PRUNE2: variants seen among roughly 807,000 people sequenced by gnomAD.
PRUNE2 encodes protein prune homolog 2.
PRUNE2 carries 164 observed loss-of-function variants against 252.0 expected under a neutral mutation model. The ratio of observed to expected loss-of-function variants is 0.65; its 90% CI spans 0.57 to 0.74. PRUNE2 has a LOEUF of 0.74. PRUNE2 is among the 30% of genes least tolerant of loss of function. The pLI is 0.00. For missense variants in PRUNE2, 3,495 were observed against 3,711.0 expected, an observed-to-expected ratio of 0.94 and a Z score of 1.51; for synonymous variants, 1,292 against 1,350.2, an observed-to-expected ratio of 0.96 and a Z score of 0.94.
intron 1 of PRUNE2, among the ~76,000 whole-genome samples, chr9:76,891,212 A>C (rs1309762393): frequency 1.3e-5 from 2 of 152,230 alleles, no homozygotes; most frequent in Non-Finnish European, 2.9e-5. Flanking sequence ...CAAATGAAGA[A>C]ACAGCTGAGA....
chr9:76,719,406 T>C (rs2047430076), intron 6 of PRUNE2, among the ~76,000 whole-genome samples: 1 of 152,122 alleles, frequency 6.6e-6, no homozygotes. Context: ...ATCAAAGAAA[T>C]CCTTTAATAA....
intron 1 of PRUNE2, among the ~76,000 whole-genome samples, chr9:76,891,420 C>T (rs2062465582): frequency 6.6e-6 from 1 of 152,230 alleles, no homozygotes; most frequent in Non-Finnish European, 1.5e-5. Context: ...AGAGACCCTG[C>T]CTCTCAGGTG....
chr9:76,639,239 C>T (rs1841494909), intron 12 of PRUNE2, among the ~76,000 whole-genome samples: 1 of 152,176 alleles, frequency 6.6e-6, no homozygotes, highest in African/African-American at 2.4e-5. Flanking sequence ...TGCCTGTAAT[C>T]CCAGCACTTT....
chr9:76,694,210 T>C (rs2045144118), intron 9 of PRUNE2, among the ~76,000 whole-genome samples: 1 of 152,086 alleles, frequency 6.6e-6, no homozygotes, highest in Non-Finnish European at 1.5e-5. Context: ...CCTAGCTCTG[T>C]TGCCCAGGTT....
chr9:76,778,248 CA>C (rs1172210047), intron 6 of PRUNE2: 2 of 152,210 alleles, frequency 1.3e-5, no homozygotes, highest in African/African-American at 4.8e-5. Context: ...TGATCTCATT[CA>C]ACCTTTCCCT....
At chr9:76,857,079 T>C (rs12238848) in intron 1 of PRUNE2, 216,128 of 455,594 alleles carry the variant, frequency 0.47, 53,016 homozygotes, top group East Asian at 0.62. Flanking sequence ...TCATGGTCTC[T>C]CATTTCTCTC....
intron 1 of PRUNE2, among the ~76,000 whole-genome samples, chr9:76,866,732 A>C (rs1173063500): frequency 8.8e-6 from 1 of 113,548 alleles, no homozygotes. Context: ...GGAGGAGAGG[A>C]AGGAAGGAAG....
intron 6 of PRUNE2, among the ~76,000 whole-genome samples, chr9:76,812,276 T>G (rs2057406535): frequency 6.6e-6 from 1 of 152,206 alleles, no homozygotes; most frequent in African/African-American, 2.4e-5. Flanking sequence ...TGATGTTTTG[T>G]GTCCAAAAAG....
chr9:76,629,520 A>C (rs6560536), intron 15 of PRUNE2, among the ~76,000 whole-genome samples: 35,696 of 151,666 alleles, frequency 0.24, 4,570 homozygotes, highest in African/African-American at 0.32. Context: ...CATGTAAAAA[A>C]GTATAACATG....
intron 9 of PRUNE2, among the ~76,000 whole-genome samples, chr9:76,701,662 G>T (rs981068286): frequency 1.3e-5 from 2 of 152,188 alleles, no homozygotes; most frequent in Admixed American, 1.3e-4. Context: ...GATTAGGCCA[G>T]CTGACAATGT....
chr9:76,691,224 C>A (rs1176011924), intron 9 of PRUNE2, among the ~76,000 whole-genome samples: 5 of 152,200 alleles, frequency 3.3e-5, no homozygotes, highest in Non-Finnish European at 5.9e-5. Context: ...CAACAGTTCA[C>A]ATCAAAGAGG....
intron 6 of PRUNE2, among the ~76,000 whole-genome samples, chr9:76,807,176 C>T (rs1272621130): frequency 6.6e-6 from 1 of 151,784 alleles, no homozygotes; most frequent in Non-Finnish European, 1.5e-5. Context: ...CTCAAGCCAT[C>T]CTCCCACCTC....
chr9:76,835,013 T>A (rs2058879872), intron 4 of PRUNE2, among the ~76,000 whole-genome samples: 1 of 152,166 alleles, frequency 6.6e-6, no homozygotes. Flanking sequence ...GTATCTTAGC[T>A]ATTCATAGGC....
chr9:76,679,244 T>C (rs2043156814), intron 9 of PRUNE2, among the ~76,000 whole-genome samples: 1 of 152,218 alleles, frequency 6.6e-6, no homozygotes, highest in Non-Finnish European at 1.5e-5. Flanking sequence ...GGATTAGATA[T>C]TGCTGTTACC....
intron 9 of PRUNE2, among the ~76,000 whole-genome samples, chr9:76,694,815 T>TTC (rs2045223678): frequency 6.6e-6 from 1 of 152,158 alleles, no homozygotes; most frequent in Non-Finnish European, 1.5e-5. Flanking sequence ...TAGCATTCTA[T>TTC]TATGTTGAAA....
At chr9:76,857,932 T>C (rs2060345741) in intron 1 of PRUNE2, among the ~76,000 whole-genome samples, 1 of 152,140 alleles carries the variant, frequency 6.6e-6, no homozygotes, top group Admixed American at 6.5e-5. Context: ...CCAAAGATCG[T>C]CTGCACTGCT....
intron 1 of PRUNE2, among the ~76,000 whole-genome samples, chr9:76,878,389 A>C (rs932498522): frequency 2.0e-5 from 3 of 152,144 alleles, no homozygotes; most frequent in African/African-American, 7.2e-5. Context: ...TCTTGGCTTC[A>C]TTTTTCTCAT....
intron 6 of PRUNE2, among the ~76,000 whole-genome samples, chr9:76,812,545 T>C (rs913906014): frequency 2.0e-5 from 3 of 152,226 alleles, no homozygotes; most frequent in East Asian, 1.9e-4. Flanking sequence ...GCACTTCTAC[T>C]ACGATATCTC....
chr9:76,832,797 GA>G (rs1198710800), intron 4 of PRUNE2, among the ~76,000 whole-genome samples: 1 of 151,572 alleles, frequency 6.6e-6, no homozygotes, highest in Non-Finnish European at 1.5e-5. Context: ...AACAATTCAA[GA>G]AAAAAAGAGA....
Sources: gnomAD v4.1 joint callset for allele counts (sites outside exome capture counted in the v4.1 genomes callset) on GRCh38, gnomAD v4.1.1 for gene constraint, MANE v1.5 for transcripts, NCBI Gene and HGNC (gene_info 2026-07-23, HGNC 2026-07-21) for gene names.